C2orf76: variants seen among roughly 807,000 people sequenced by gnomAD.
The protein encoded by C2orf76 is chromosome 2 open reading frame 76.
A neutral mutation model predicts 16.9 loss-of-function variants in C2orf76; 23 were observed. The observed-to-expected ratio is 1.36, with a 90% CI of 0.98 to 1.93. C2orf76 has a LOEUF of 1.93. Among genes scored for constraint, C2orf76 ranks in the 30% most tolerant of loss-of-function variants. The probability of loss-of-function intolerance (pLI) is 0.00; values close to 1 mark genes in which losing one functional copy is unlikely to be tolerated. For synonymous variants in C2orf76, 48 were observed against 52.3 expected (o/e 0.92, Z 0.35); for missense variants, 152 against 152.6 (o/e 1.00, Z 0.02).
chr2:119,314,469 C>A (rs1163001573), intron 4 of C2orf76, among the ~76,000 whole-genome samples: 2 of 152,140 alleles, frequency 1.3e-5, no homozygotes, highest in Non-Finnish European at 2.9e-5. Context: ...AGTCCTCCAT[C>A]TTTTCTTTAC....
chr2:119,305,956 A>C, intron 5 of C2orf76, among the ~76,000 whole-genome samples: 1 of 151,776 alleles, frequency 6.6e-6, no homozygotes, highest in East Asian at 1.9e-4. Context: ...AAAAAAAAAA[A>C]ACAAAAAAAA....
At chr2:119,312,435 A>T (rs926900048) in intron 4 of C2orf76, among the ~76,000 whole-genome samples, 2 of 152,022 alleles carry the variant, frequency 1.3e-5, no homozygotes, top group East Asian at 3.9e-4. Context: ...TTTTTAGTAG[A>T]GACGGGGTCT....
At chr2:119,327,373 G>A (rs1415572419) in intron 2 of C2orf76, among the ~76,000 whole-genome samples, 1 of 99,666 alleles carries the variant, frequency 1.0e-5, no homozygotes, top group Non-Finnish European at 1.9e-5. Context: ...GGTGGAACCA[G>A]CATTGCATTC....
In C2orf76 at chr2:119,341,269, G is replaced by T. The variant is rs73948662; in HGVS notation, c.-12-1298C>A. ...AGTGATCCTCCTGCCTTGGCCTCCG[G>T]AAGTGCTAGAATTATAGGTGTGAGC... On this transcript the variant is annotated intron_variant, in intron 1 of 5. Coordinates refer to ENST00000334816, the MANE Select transcript of C2orf76 (RefSeq NM_001322331.2). Among the ~76,000 whole-genome samples, 915 of 152,140 alleles carry T rather than the reference G, an allele frequency of 6.0e-3. 10 individuals carry two copies. Among genetic ancestry groups the T allele is most frequent in the African/African-American group, 0.02 (818 of 41,502 alleles).
At chr2:119,340,509 T>C (rs1226686729) in intron 1 of C2orf76, 1 of 152,442 alleles carries the variant, frequency 6.6e-6, no homozygotes, top group Admixed American at 6.5e-5. Flanking sequence ...GTATAGTTCA[T>C]CCTAAAACTA....
At chr2:119,299,928 C>A (rs557850277), downstream of C2orf76, among the ~76,000 whole-genome samples, 25 of 152,182 alleles carry the variant, frequency 1.6e-4, no homozygotes, top group Non-Finnish European at 2.5e-4. Flanking sequence ...TCAACTCCAG[C>A]AAGAATCACT....
At chr2:119,317,756 C>T (rs1679220465) in intron 3 of C2orf76, among the ~76,000 whole-genome samples, 2 of 151,926 alleles carry the variant, frequency 1.3e-5, no homozygotes, top group African/African-American at 4.8e-5. Flanking sequence ...AACTTTTTGT[C>T]AACTCAGCAC....
At chr2:119,285,452 G>A in the C2orf76 span, among the ~76,000 whole-genome samples, 14 of 152,314 alleles carry the variant, frequency 9.2e-5, no homozygotes, top group African/African-American at 3.1e-4. Context: ...GCCCCAGTGG[G>A]GCTTTTTCCC....
At chr2:119,289,217 C>T in the C2orf76 span, among the ~76,000 whole-genome samples, 21 of 152,122 alleles carry the variant, frequency 1.4e-4, no homozygotes, top group East Asian at 5.8e-4. Context: ...GCAGAATGTG[C>T]GCTATGTCAG....
At chr2:119,353,902 G>A (rs1680484736) in intron 1 of C2orf76, among the ~76,000 whole-genome samples, 1 of 152,060 alleles carries the variant, frequency 6.6e-6, no homozygotes, top group Non-Finnish European at 1.5e-5. Flanking sequence ...AGAAAGGGTG[G>A]GAAAAGGATT....
chr2:119,287,739 C>G, the C2orf76 span, among the ~76,000 whole-genome samples: 1 of 152,104 alleles, frequency 6.6e-6, no homozygotes, highest in South Asian at 2.1e-4. Flanking sequence ...GAAGACAACA[C>G]ATCTTCTCTC....
chr2:119,306,794 C>T (rs112288601), intron 5 of C2orf76, among the ~76,000 whole-genome samples: 17 of 139,330 alleles, frequency 1.2e-4, no homozygotes, highest in Non-Finnish European at 2.5e-4. Context: ...AGCAAAAACT[C>T]CACTGACGTC....
intron 4 of C2orf76, among the ~76,000 whole-genome samples, chr2:119,315,925 A>T (rs1416929594): frequency 6.6e-6 from 1 of 152,248 alleles, no homozygotes; most frequent in South Asian, 2.1e-4. Context: ...TAATTTGAAC[A>T]TGATGAACTA....
rs1553444888 is a variant in C2orf76 at position 119,302,319 on chromosome 2, G to GGAGA, written c.*152_*153insTCTC. On this transcript the variant is annotated 3_prime_UTR_variant, in exon 6 of 6. Coordinates refer to ENST00000334816, the MANE Select transcript of C2orf76 (RefSeq NM_001322331.2). ...ACAACAAAGAAAAAGAAAGAGAGAA[G>GGAGA]GAAAGACCTGAAGAGAAAGAAATAA... 4.9e-6 allele frequency: 2 copies of GGAGA among 412,300 alleles called. No individual in the cohort carries two copies. The highest frequency in any genetic ancestry group is 2.1e-5 in the African/African-American group (1 of 48,208). The allele number at this position is 412,300 out of a possible 1,614,324, so 25.5% of individuals were successfully genotyped here.
intron 5 of C2orf76, among the ~76,000 whole-genome samples, chr2:119,309,398 CTTTTTTTTT>C (rs1193022536): frequency 2.8e-5 from 2 of 71,358 alleles, no homozygotes; most frequent in Admixed American, 1.8e-4. Flanking sequence ...TTCTCTTTTT[CTTTTTTTTT>C]TTTTTTTTTT....
intron 1 of C2orf76, among the ~76,000 whole-genome samples, chr2:119,357,885 TCA>T (rs1680621260): frequency 6.6e-6 from 1 of 152,268 alleles, no homozygotes; most frequent in African/African-American, 2.4e-5. Flanking sequence ...TTTGGCAAAG[TCA>T]CAGGATACAA....
chr2:119,313,905 A>C lies in C2orf76; in HGVS notation c.223-2202T>G, dbSNP rs890069380. Among the ~76,000 whole-genome samples the C allele has an allele frequency of 2.0e-5, 3 of 152,022 alleles. No homozygotes were observed. In the East Asian group the frequency reaches 5.8e-4, roughly 29 times the overall value. On this transcript the variant is annotated intron_variant, in intron 4 of 5. Coordinates refer to ENST00000334816, the MANE Select transcript of C2orf76 (RefSeq NM_001322331.2). ...AATGGAATTGTAGGCTAATTTTTCC[A>C]ATAGAATTGTAGAGTCTAGAGCATC...
At chr2:119,324,879 A>G (rs527238094) in intron 2 of C2orf76, among the ~76,000 whole-genome samples, 1 of 152,324 alleles carries the variant, frequency 6.6e-6, no homozygotes, top group South Asian at 2.1e-4. Flanking sequence ...GAAAAAAACA[A>G]ACATGTTCTT....
At chr2:119,312,649 A>G (rs1380713662) in intron 4 of C2orf76, among the ~76,000 whole-genome samples, 1 of 152,122 alleles carries the variant, frequency 6.6e-6, no homozygotes, top group Non-Finnish European at 1.5e-5. Context: ...ATATTTCTCT[A>G]TGTGATTTGG....
Sources: allele counts gnomAD v4.1 joint callset (sites outside exome capture counted in the v4.1 genomes callset), GRCh38; gene constraint gnomAD v4.1.1; transcripts MANE v1.5; gene names NCBI Gene and HGNC (gene_info 2026-07-23, HGNC 2026-07-21).